The following GOLGA3 variants were observed in gnomAD, a reference collection of about 807,000 sequenced individuals.
GOLGA3 encodes golgin A3, also known as golgin subfamily A member 3.
A neutral mutation model predicts 169.4 loss-of-function variants in GOLGA3; 75 were observed. That is an observed-to-expected ratio of 0.44 (90% CI 0.37 to 0.54). The LOEUF is 0.54. GOLGA3 is among the 20% of genes least tolerant of loss of function. The pLI, the probability that GOLGA3 is intolerant of heterozygous loss-of-function variation, is 0.00. For synonymous variants in GOLGA3, 824 were observed against 822.4 expected (o/e 1.00, Z -0.03); for missense variants, 1,899 against 1,930.0 (o/e 0.98, Z 0.30).
intron 3 of GOLGA3, among the ~76,000 whole-genome samples, chr12:132,816,040 T>C (rs1009292035): frequency 4.6e-5 from 7 of 151,892 alleles, no homozygotes; most frequent in African/African-American, 1.7e-4. Flanking sequence ...TTGCTAAAAA[T>C]ACAAAAAATT....
intron 11 of GOLGA3, 101 bp downstream of exon 11, chr12:132,795,751 A>T: frequency 7.8e-7 from 1 of 1,286,978 alleles, no homozygotes; most frequent in Non-Finnish European, 1.1e-6. Context: ...ACACAGCGAG[A>T]CTGTTTCAAA....
At chr12:132,773,495 T>A (rs1375312254) in intron 23 of GOLGA3, among the ~76,000 whole-genome samples, 6 of 152,196 alleles carry the variant, frequency 3.9e-5, no homozygotes, top group Non-Finnish European at 1.5e-5. Context: ...CAAGGACCAG[T>A]CCTGACCAGG....
intron 1 of GOLGA3, chr12:132,826,057 C>G (rs771938941): frequency 2.9e-6 from 4 of 1,371,694 alleles, no homozygotes; most frequent in Non-Finnish European, 4.2e-6. Context: ...GCTTCAGGGA[C>G]GTCCAGATCG....
chr12:132,782,659 C>T (rs2045670070), intron 16 of GOLGA3, among the ~76,000 whole-genome samples, 166 bp from the exon 17 acceptor site: 1 of 152,112 alleles, frequency 6.6e-6, no homozygotes, highest in African/African-American at 2.4e-5. Flanking sequence ...GGGGGATCAC[C>T]TGAGGTCAGG....
At chr12:132,806,070 C>T (rs1017403138) in intron 6 of GOLGA3, among the ~76,000 whole-genome samples, 19 of 152,326 alleles carry the variant, frequency 1.2e-4, no homozygotes, top group East Asian at 3.9e-4. Flanking sequence ...CCTGCCCCCA[C>T]GCTGAGGCCT....
At chr12:132,795,211 G>C (rs895759087) in intron 11 of GOLGA3, among the ~76,000 whole-genome samples, 3 of 152,032 alleles carry the variant, frequency 2.0e-5, no homozygotes, top group Non-Finnish European at 4.4e-5. Context: ...GAAAAAAGGG[G>C]TCGGGCGCGG....
chr12:132,778,905 A>AC, intron 18 of GOLGA3, among the ~76,000 whole-genome samples: 1 of 151,130 alleles, frequency 6.6e-6, no homozygotes, highest in East Asian at 1.9e-4. Flanking sequence ...AAAAAAAAAA[A>AC]CCGAAAAAAA....
At chr12:132,781,306 A>T (rs2045594449) in intron 17 of GOLGA3, among the ~76,000 whole-genome samples, 1 of 152,152 alleles carries the variant, frequency 6.6e-6, no homozygotes. Context: ...TCACACCTGT[A>T]ATCCCAGCAC....
At chr12:132,774,480 C>G in intron 22 of GOLGA3, 160 bp from the exon 23 acceptor site, 7 of 697,326 alleles carry the variant, frequency 1.0e-5, no homozygotes, top group Non-Finnish European at 1.7e-5. Context: ...CGACAGTCCC[C>G]GGAGCTCCAG....
Position 132,808,264 on chromosome 12 carries a change from T to C in GOLGA3, c.805A>G (p.Thr269Ala). The C allele has an allele frequency of 6.2e-7, 1 of 1,614,076 alleles. No homozygotes were observed. The highest frequency in any genetic ancestry group is 8.5e-7 in the Non-Finnish European group (1 of 1,180,004). Residue 269 changes from threonine to alanine, a missense_variant, in exon 5 of 24, where the codon ACC becomes GCC. Coordinates refer to ENST00000450791, the MANE Select transcript of GOLGA3 (RefSeq NM_001389683.1). ...CTGTTCTGCTTCAGGGAACCCTTGG[T>C]AGAATCGGGAGCCGGGACATTTCCC... is the stretch of plus-strand genomic sequence containing the variant. The part of the protein sequence containing the change: ...SGGNVPAPDS[T>A]KGSLKQNRSS...
intron 6 of GOLGA3, among the ~76,000 whole-genome samples, chr12:132,806,180 G>A (rs1408817284): frequency 1.3e-5 from 2 of 152,202 alleles, no homozygotes; most frequent in African/African-American, 4.8e-5. Context: ...CAAGGGGCCA[G>A]CAACCACCAC....
At chr12:132,809,040 G>A (rs113986717) in intron 4 of GOLGA3, among the ~76,000 whole-genome samples, 31,057 of 152,162 alleles carry the variant, frequency 0.2, 4,087 homozygotes, top group Non-Finnish European at 0.3. Context: ...ATACAAGGCA[G>A]AAGGGGCAGG....
intron 1 of GOLGA3, chr12:132,825,974 T>C (rs2136834133): frequency 1.0e-6 from 1 of 998,548 alleles, no homozygotes; most frequent in Non-Finnish European, 1.6e-6. Flanking sequence ...CCGCCGAGAC[T>C]ACCTGCACTA....
intron 6 of GOLGA3, among the ~76,000 whole-genome samples, chr12:132,806,051 G>A (rs55706161): frequency 0.1 from 15,802 of 152,112 alleles, 1,105 homozygotes; most frequent in South Asian, 0.16. Context: ...AGAGGAAATC[G>A]CCCCACCACC....
At chr12:132,775,420 G>A (rs1022246202) in intron 21 of GOLGA3, 115 bp from the exon 22 acceptor site, 2 of 865,778 alleles carry the variant, frequency 2.3e-6, no homozygotes, top group African/African-American at 3.4e-5. Flanking sequence ...GCGCCATCTA[G>A]ATGATGCCAG....
In GOLGA3 at chr12:132,773,146, G is replaced by C. The variant is rs2044989388; in HGVS notation, c.4456C>G (p.His1486Asp). 6.3e-7 allele frequency: 1 copy of C among 1,586,112 alleles called. No individual in the cohort carries two copies. The highest frequency in any genetic ancestry group is 8.6e-7 in the Non-Finnish European group (1 of 1,165,486). The part of the protein sequence containing the change: ...HAGPRGDPQR[H>D]SQSRASKEGP... ...TCTTTGGAAGCCCTGCTCTGACTGT[G>C]TCTCTGTGGGTCGCCGCGTGGGCCG... Residue 1486 changes from histidine to aspartate, a missense_variant, in exon 24 of 24, where the codon CAC (histidine) becomes GAC (aspartate). His to Asp is a moderately conservative substitution (Grantham distance 81). Coordinates refer to ENST00000450791, the MANE Select transcript of GOLGA3 (RefSeq NM_001389683.1).
At position 132,775,156 on chromosome 12, in the gene GOLGA3, G is replaced by A. The variant is rs376953827; in HGVS notation, c.4128C>T (p.Arg1376=). The part of the protein sequence containing the change: ...QNQQLKLDLR[R]GAAKTRKEPK... ...GCCTGAGTACCGTCTTGGCCGCGCC[G>A]CGGCGTAGGTCCAGCTTGAGCTGCT... Residue 1376 remains arginine, a synonymous_variant, in exon 22 of 24, where the codon CGC becomes CGT. Transcript: ENST00000450791. 521 of 1,613,654 alleles carry A rather than the reference G, an allele frequency of 3.2e-4. No individual in the cohort carries two copies. Among genetic ancestry groups the A allele is most frequent in the Admixed American group, 1.8e-3 (111 of 60,004 alleles).
At chr12:132,775,537 TC>T (rs2045180623) in intron 21 of GOLGA3, among the ~76,000 whole-genome samples, 1 of 152,216 alleles carries the variant, frequency 6.6e-6, no homozygotes, top group Non-Finnish European at 1.5e-5. Context: ...TTTGAAATGT[TC>T]CAATGATCAT....
At chr12:132,799,553 CTGTT>C (rs151327943) in intron 8 of GOLGA3, among the ~76,000 whole-genome samples, 47 of 152,226 alleles carry the variant, frequency 3.1e-4, no homozygotes, top group African/African-American at 9.9e-4. Context: ...GGCAGGAGGA[CTGTT>C]TGAGCCCAAC....
Sources: allele counts gnomAD v4.1 joint callset (sites outside exome capture counted in the v4.1 genomes callset), GRCh38; gene constraint gnomAD v4.1.1; transcripts MANE v1.5; gene names NCBI Gene and HGNC (gene_info 2026-07-23, HGNC 2026-07-21).